KIF5C: variants seen among roughly 807,000 people sequenced by gnomAD.
KIF5C encodes kinesin heavy chain isoform 5C.
A neutral mutation model predicts 125.2 loss-of-function variants in KIF5C; 18 were observed. The ratio of observed to expected loss-of-function variants is 0.14; its 90% confidence interval spans 0.10 to 0.21. The LOEUF is 0.21. KIF5C is among the 10% of genes least tolerant of loss of function. The pLI is 1.00. For missense variants in KIF5C, 780 were observed against 1,183.8 expected, an observed-to-expected ratio of 0.66 and a Z score of 5.01; for synonymous variants, 405 against 434.0, an observed-to-expected ratio of 0.93 and a Z score of 0.83.
At chr2:148,919,367 T>A (rs1391751690) in intron 1 of KIF5C, among the ~76,000 whole-genome samples, 3 of 151,838 alleles carry the variant, frequency 2.0e-5, no homozygotes, top group Non-Finnish European at 4.4e-5. Flanking sequence ...CCAGAAGGAG[T>A]GACTGGTGAC....
chr2:149,008,803 A>G (rs1409952232), intron 23 of KIF5C, among the ~76,000 whole-genome samples: 2 of 152,112 alleles, frequency 1.3e-5, no homozygotes, highest in African/African-American at 4.8e-5. Context: ...TGACTTGTTA[A>G]GTCTTCTTCA....
chr2:148,885,033 C>G (rs556056381), intron 1 of KIF5C, among the ~76,000 whole-genome samples: 1 of 150,560 alleles, frequency 6.6e-6, no homozygotes, highest in Non-Finnish European at 1.5e-5. Context: ...TGCAATGGCA[C>G]GATCTTGGCT....
At chr2:148,887,845 T>G (rs1273206348) in intron 1 of KIF5C, among the ~76,000 whole-genome samples, 3 of 152,098 alleles carry the variant, frequency 2.0e-5, no homozygotes, top group Non-Finnish European at 2.9e-5. Flanking sequence ...ACGCTTCGGT[T>G]ACTTTGCACT....
chr2:149,000,627 T>C (rs1574827921), intron 20 of KIF5C, 95 bp from the exon 21 acceptor site: 1 of 1,587,850 alleles, frequency 6.3e-7, no homozygotes, highest in Admixed American at 1.8e-5. Flanking sequence ...GTGTGCTTGT[T>C]GGTGGGTTTT....
chr2:148,979,058 C>A, intron 13 of KIF5C, 68 bp downstream of exon 13: 1 of 1,420,658 alleles, frequency 7.0e-7, no homozygotes, highest in East Asian at 2.6e-5. Context: ...GATGTTTGTT[C>A]CAGGAATTTA....
intron 10 of KIF5C, among the ~76,000 whole-genome samples, chr2:148,961,363 G>C (rs895175826): frequency 1.3e-5 from 2 of 152,154 alleles, no homozygotes; most frequent in Admixed American, 1.3e-4. Flanking sequence ...TCAGCTGTGG[G>C]ACCCACCTGA....
At chr2:148,969,332 T>G (rs1258924144) in intron 11 of KIF5C, among the ~76,000 whole-genome samples, 1 of 152,118 alleles carries the variant, frequency 6.6e-6, no homozygotes. Context: ...AATGCTCCTA[T>G]GTAAACACAA....
chr2:148,912,099 A>T (rs1005523250), intron 1 of KIF5C, among the ~76,000 whole-genome samples: 5 of 152,232 alleles, frequency 3.3e-5, no homozygotes, highest in Admixed American at 3.3e-4. Flanking sequence ...TTAGAGGGCT[A>T]TTTTTGATAA....
chr2:149,016,899 C>G (rs752074131), intron 25 of KIF5C, among the ~76,000 whole-genome samples: 22 of 152,040 alleles, frequency 1.4e-4, no homozygotes, highest in Admixed American at 5.9e-4. Flanking sequence ...AATGGGAAGG[C>G]CAGAGAAAAG....
intron 19 of KIF5C, 46 bp downstream of exon 19, chr2:148,998,555 G>A (rs367976424): frequency 3.9e-5 from 61 of 1,549,054 alleles, no homozygotes; most frequent in Non-Finnish European, 5.2e-5. Flanking sequence ...GTCATGCCTC[G>A]GTCCTCTTGG....
intron 11 of KIF5C, among the ~76,000 whole-genome samples, chr2:148,968,509 C>T (rs578181862): frequency 1.3e-5 from 2 of 152,228 alleles, no homozygotes; most frequent in East Asian, 3.9e-4. Context: ...TTCATTGGAG[C>T]GATCTAATTT....
chr2:148,929,180 T>C, intron 2 of KIF5C, 101 bp from the exon 3 acceptor site: 1 of 663,664 alleles, frequency 1.5e-6, no homozygotes, highest in Non-Finnish European at 2.6e-6. Flanking sequence ...GTATGAAAAA[T>C]GAGATGGGCC....
chr2:148,907,192 C>T (rs1331954186), intron 1 of KIF5C, among the ~76,000 whole-genome samples: 1 of 151,112 alleles, frequency 6.6e-6, no homozygotes, highest in African/African-American at 2.4e-5. Context: ...TCCTGTGAAG[C>T]TTCTTTAATT....
chr2:149,016,699 G>A (rs923224135), intron 25 of KIF5C, among the ~76,000 whole-genome samples: 3 of 152,206 alleles, frequency 2.0e-5, no homozygotes, highest in Non-Finnish European at 4.4e-5. Context: ...GCAAGTGGGT[G>A]TGTGGAACAG....
chr2:148,891,096 G>C (rs1259410530), intron 1 of KIF5C, among the ~76,000 whole-genome samples: 1 of 152,082 alleles, frequency 6.6e-6, no homozygotes, highest in East Asian at 1.9e-4. Flanking sequence ...TTGCATTGTG[G>C]GTCCCATTTG....
chr2:148,900,951 G>A (rs1680876490), intron 1 of KIF5C, among the ~76,000 whole-genome samples: 1 of 152,040 alleles, frequency 6.6e-6, no homozygotes. Context: ...CTCTCTGACA[G>A]GAACAGAAAT....
chr2:148,994,849 G>A (rs1408878437), intron 17 of KIF5C, among the ~76,000 whole-genome samples: 2 of 151,862 alleles, frequency 1.3e-5, no homozygotes, highest in African/African-American at 4.8e-5. Context: ...CTATAGATGC[G>A]TGTCACCACA....
chr2:148,938,168 A>T (rs1049432084), intron 4 of KIF5C, among the ~76,000 whole-genome samples: 2 of 148,186 alleles, frequency 1.3e-5, no homozygotes, highest in Non-Finnish European at 3.0e-5. Flanking sequence ...TTGTTTAAGC[A>T]AATAGAGGAT....
At chr2:149,019,429 CTG>C (rs1291839904) in intron 25 of KIF5C, among the ~76,000 whole-genome samples, 2 of 152,174 alleles carry the variant, frequency 1.3e-5, no homozygotes, top group Non-Finnish European at 2.9e-5. Context: ...ACAGAAATAA[CTG>C]TAGGTAGGTG....
Sources: gnomAD v4.1 joint callset for allele counts (sites outside exome capture counted in the v4.1 genomes callset) on GRCh38, gnomAD v4.1.1 for gene constraint, MANE v1.5 for transcripts, NCBI Gene and HGNC (gene_info 2026-07-23, HGNC 2026-07-21) for gene names.